CACNA2D3: variants seen among roughly 807,000 people sequenced by gnomAD.
The protein encoded by CACNA2D3 is voltage-dependent calcium channel subunit alpha-2/delta-3.
Under a neutral mutation model 160.6 loss-of-function variants are expected in CACNA2D3, and 60 were observed. The observed-to-expected ratio is 0.37, with a 90% CI of 0.30 to 0.46. CACNA2D3 has a LOEUF of 0.46. Among genes scored for constraint, CACNA2D3 ranks in the 20% least tolerant of loss-of-function variants. CACNA2D3 has a pLI of 1.00. For missense variants in CACNA2D3, 1,205 were observed against 1,365.0 expected, an observed-to-expected ratio of 0.88 and a Z score of 1.85; for synonymous variants, 558 against 492.9, an observed-to-expected ratio of 1.13 and a Z score of -1.75.
At chr3:54,218,437 T>C (rs61083326) in intron 2 of CACNA2D3, among the ~76,000 whole-genome samples, 18,904 of 152,272 alleles carry the variant, frequency 0.12, 1,632 homozygotes, top group East Asian at 0.44. Context: ...CCTGTCTTGG[T>C]ATTGAAAGCT....
intron 2 of CACNA2D3, among the ~76,000 whole-genome samples, chr3:54,260,102 A>T (rs1702375328): frequency 6.6e-6 from 1 of 152,214 alleles, no homozygotes; most frequent in African/African-American, 2.4e-5. Flanking sequence ...AAATGGAACA[A>T]GATGTGACAA....
intron 3 of CACNA2D3, among the ~76,000 whole-genome samples, chr3:54,339,673 C>T (rs577448244): frequency 5.9e-5 from 9 of 152,110 alleles, no homozygotes; most frequent in Non-Finnish European, 1.2e-4. Flanking sequence ...GAGATCTGAT[C>T]AGAATATTTT....
intron 4 of CACNA2D3, among the ~76,000 whole-genome samples, chr3:54,496,116 C>G (rs182636654): frequency 6.6e-6 from 1 of 152,276 alleles, no homozygotes; most frequent in African/African-American, 2.4e-5. Flanking sequence ...CGTGAATATT[C>G]ACACAAATAT....
intron 3 of CACNA2D3, among the ~76,000 whole-genome samples, chr3:54,336,968 C>T (rs1337247723): frequency 3.3e-5 from 5 of 152,030 alleles, no homozygotes; most frequent in African/African-American, 1.2e-4. Flanking sequence ...GAGGTCAGGG[C>T]TGAAGGAGAT....
chr3:54,949,859 C>T (rs1701712620), intron 27 of CACNA2D3, among the ~76,000 whole-genome samples: 1 of 152,218 alleles, frequency 6.6e-6, no homozygotes, highest in Non-Finnish European at 1.5e-5. Flanking sequence ...ATCTGGCATG[C>T]TGTGCTCTGG....
chr3:54,774,709 A>G (rs2107118464), intron 13 of CACNA2D3, among the ~76,000 whole-genome samples: 1 of 134,860 alleles, frequency 7.4e-6, no homozygotes, highest in African/African-American at 2.9e-5. Context: ...ATCTTGGCTC[A>G]CTGCAACTTC....
chr3:54,224,312 TAA>T, intron 2 of CACNA2D3, among the ~76,000 whole-genome samples: 1 of 152,144 alleles, frequency 6.6e-6, no homozygotes, highest in African/African-American at 2.4e-5. Flanking sequence ...GAGTACACTC[TAA>T]AATAACATTA....
At chr3:54,363,852 C>G (rs1698785064) in intron 3 of CACNA2D3, among the ~76,000 whole-genome samples, 1 of 152,106 alleles carries the variant, frequency 6.6e-6, no homozygotes, top group African/African-American at 2.4e-5. Flanking sequence ...GTAGCCCTAC[C>G]CACTGGCTTC....
At chr3:54,801,183 T>G (rs1445838474) in intron 13 of CACNA2D3, among the ~76,000 whole-genome samples, 1 of 152,086 alleles carries the variant, frequency 6.6e-6, no homozygotes, top group African/African-American at 2.4e-5. Flanking sequence ...AGATGGGGTT[T>G]CACCATGTTG....
chr3:54,677,316 C>T (rs1376294023), intron 11 of CACNA2D3, among the ~76,000 whole-genome samples: 1 of 152,112 alleles, frequency 6.6e-6, no homozygotes, highest in Non-Finnish European at 1.5e-5. Context: ...GAAAGGCAGA[C>T]CTGAGCATAT....
intron 35 of CACNA2D3, among the ~76,000 whole-genome samples, chr3:55,055,399 A>G (rs921095517): frequency 6.6e-6 from 1 of 151,974 alleles, no homozygotes; most frequent in Non-Finnish European, 1.5e-5. Context: ...CTGTTCCATT[A>G]ATAGATGTGT....
chr3:54,809,462 G>GTA (rs1703237665), intron 13 of CACNA2D3, among the ~76,000 whole-genome samples: 1 of 144,102 alleles, frequency 6.9e-6, no homozygotes, highest in African/African-American at 2.8e-5. Context: ...GGGACTACAG[G>GTA]CGCCCGCCAC....
At chr3:54,687,131 T>TCTTTTTCTTTTTC (rs1559549408) in intron 11 of CACNA2D3, among the ~76,000 whole-genome samples, 2 of 49,306 alleles carry the variant, frequency 4.1e-5, no homozygotes, top group African/African-American at 1.6e-4. Context: ...CTTTTTTTTT[T>TCTTTTTCTTTTTC]TTTGTTTTTT....
At chr3:54,384,253 T>A (rs1422671856) in intron 3 of CACNA2D3, among the ~76,000 whole-genome samples, 2 of 152,194 alleles carry the variant, frequency 1.3e-5, no homozygotes, top group Non-Finnish European at 2.9e-5. Flanking sequence ...AAAAATCCAT[T>A]TTTTATGTGT....
chr3:54,646,765 A>G (rs574248149), intron 11 of CACNA2D3, among the ~76,000 whole-genome samples: 2 of 152,334 alleles, frequency 1.3e-5, no homozygotes, highest in South Asian at 2.1e-4. Context: ...TCCTTTGGGC[A>G]TATACCCAGT....
At chr3:54,285,088 C>T (rs1702978092) in intron 2 of CACNA2D3, among the ~76,000 whole-genome samples, 1 of 152,124 alleles carries the variant, frequency 6.6e-6, no homozygotes, top group African/African-American at 2.4e-5. Context: ...GGGTGCAGGA[C>T]AGTGGGTGCA....
intron 4 of CACNA2D3, among the ~76,000 whole-genome samples, chr3:54,482,985 A>G (rs144600968): frequency 1.6e-3 from 251 of 152,220 alleles, no homozygotes; most frequent in African/African-American, 5.7e-3. Context: ...TGCATGGAAC[A>G]CTCTGTGAGC....
At chr3:54,470,482 AC>A (rs1325057425) in intron 4 of CACNA2D3, among the ~76,000 whole-genome samples, 2 of 152,208 alleles carry the variant, frequency 1.3e-5, no homozygotes, top group Non-Finnish European at 2.9e-5. Flanking sequence ...GGAAAAACAT[AC>A]CCAGTTGTAA....
At chr3:54,805,795 T>A (rs923077822) in intron 13 of CACNA2D3, among the ~76,000 whole-genome samples, 6 of 152,124 alleles carry the variant, frequency 3.9e-5, no homozygotes, top group African/African-American at 1.4e-4. Context: ...TTGATGCAAA[T>A]ATCCTCAATC....
Sources: allele counts gnomAD v4.1 joint callset (sites outside exome capture counted in the v4.1 genomes callset), GRCh38; gene constraint gnomAD v4.1.1; transcripts MANE v1.5; gene names NCBI Gene and HGNC (gene_info 2026-07-23, HGNC 2026-07-21).